Variants in DCAF12 observed in about 807,000 individuals in gnomAD.
DCAF12 encodes DDB1- and CUL4-associated factor 12.
In DCAF12, 28 loss-of-function variants were observed where a neutral mutation model predicts 52.8. The ratio of observed to expected loss-of-function variants is 0.53; its 90% confidence interval spans 0.39 to 0.73. The LOEUF is 0.73. Ranked by LOEUF, DCAF12 falls within the 30% of genes least tolerant of loss-of-function variation. The pLI is 0.00. For synonymous variants in DCAF12, 196 were observed against 215.5 expected, an observed-to-expected ratio of 0.91 and a Z score of 0.79; for missense variants, 425 against 552.2, an observed-to-expected ratio of 0.77 and a Z score of 2.31.
intron 5 of DCAF12, among the ~76,000 whole-genome samples, chr9:34,098,048 T>A (rs1828765049): frequency 6.6e-6 from 1 of 151,772 alleles, no homozygotes. Context: ...CATGTGCAAA[T>A]GACAGACAGT....
At chr9:34,108,070 G>C (rs947084118) in intron 2 of DCAF12, among the ~76,000 whole-genome samples, 2 of 152,204 alleles carry the variant, frequency 1.3e-5, no homozygotes, top group African/African-American at 4.8e-5. Context: ...TCTCATGGCT[G>C]TTCTCTATAC....
At position 34,108,808 on chromosome 9, in the gene DCAF12, A is replaced by AAAAT. The variant is rs1378571589; in HGVS notation, c.334-1244_334-1243insATTT. Among the ~76,000 whole-genome samples the AAAAT allele has an allele frequency of 7.6e-3, 881 of 115,298 alleles. 3 individuals are homozygous for AAAAT. The highest frequency in any genetic ancestry group is 0.031 in the East Asian group (137 of 4,448). The allele number at this position is 115,298 out of a possible 152,430, so 75.6% of individuals were successfully genotyped here. On this transcript the variant is annotated intron_variant, in intron 2 of 8. Coordinates refer to ENST00000361264, the MANE Select transcript of DCAF12 (RefSeq NM_015397.4). ...GACTTGGTCTCAAAAAAAATAAATA[A>AAAAT]ATAAATATATATATATATATATGAA...
Position 34,125,164 on chromosome 9 carries a change from A to G in DCAF12, c.192T>C (p.Ser64=), listed in dbSNP as rs745617855. ...GTGCTGCATAACCATGCAACACTCG[A>G]GAGTAGCTGGTTTCATTCTGTAGCC... ...EVRLQNETSY[S]RVLHGYAAQQ... Residue 64 remains serine (S), a synonymous_variant, in exon 2 of 9, where the codon TCT becomes TCC. Transcript: ENST00000361264. 1.2e-5 allele frequency: 20 copies of G among 1,614,044 alleles called. No homozygotes were observed. In the Admixed American group the frequency reaches 3.0e-4, roughly 24 times the overall value.
chr9:34,091,597 C>T (rs1478228477), intron 7 of DCAF12, among the ~76,000 whole-genome samples: 1 of 132,416 alleles, frequency 7.6e-6, no homozygotes, highest in Non-Finnish European at 1.6e-5. Flanking sequence ...GAGATTGCAC[C>T]ACTTTCCTCC....
At position 34,087,257 on chromosome 9, in the gene DCAF12, C is replaced by G. The variant is rs993016975; in HGVS notation, c.*1093G>C. 4 of 152,244 alleles carry G rather than the reference C, an allele frequency of 2.6e-5. No homozygotes were observed. Among genetic ancestry groups the G allele is most frequent in the Admixed American group, 6.6e-5 (1 of 15,240 alleles). 9.4% of individuals were successfully genotyped at this position (152,244 alleles called of 1,614,324 possible). A position where few individuals can be genotyped will look rare whatever the true frequency, so the allele number is the denominator to read the frequency against. Reference sequence around the variant, plus strand: ...AAGCACTCACTACACACAGATAAACCCCCTGCTCACCCCCACCTTCTTAGA... The same window carrying G: ...AAGCACTCACTACACACAGATAAACGCCCTGCTCACCCCCACCTTCTTAGA... On this transcript the variant is annotated 3_prime_UTR_variant, in exon 9 of 9. Coordinates refer to ENST00000361264, the MANE Select transcript of DCAF12 (RefSeq NM_015397.4).
At chr9:34,109,794 C>T in intron 2 of DCAF12, 1 of 344,404 alleles carries the variant, frequency 2.9e-6, no homozygotes, top group Non-Finnish European at 6.0e-6. Flanking sequence ...CCAGGTGGCT[C>T]AGGACACCAT....
chr9:34,088,736 G>A (rs1367397908), intron 8 of DCAF12, among the ~76,000 whole-genome samples: 1 of 152,176 alleles, frequency 6.6e-6, no homozygotes, highest in East Asian at 1.9e-4. Context: ...ACAAGGCTCA[G>A]TTCTTCTCAG....
chr9:34,118,128 T>C (rs1490492054), intron 2 of DCAF12, among the ~76,000 whole-genome samples: 1 of 152,144 alleles, frequency 6.6e-6, no homozygotes, highest in African/African-American at 2.4e-5. Flanking sequence ...ATTTATTTCT[T>C]TTGTTTTTTT....
intron 8 of DCAF12, among the ~76,000 whole-genome samples, chr9:34,088,789 C>A (rs191440978): frequency 4.9e-4 from 75 of 152,258 alleles, no homozygotes; most frequent in Non-Finnish European, 8.8e-4. Flanking sequence ...ACCTGCTAGG[C>A]ACAGGAGGAA....
intron 6 of DCAF12, chr9:34,095,796 T>C (rs1161118438): frequency 3.3e-5 from 5 of 152,218 alleles, no homozygotes; most frequent in Non-Finnish European, 2.9e-5. Context: ...CTTAATTTGA[T>C]CGATCTTCAA....
At chr9:34,105,395 C>T (rs1480952623) in intron 4 of DCAF12, among the ~76,000 whole-genome samples, 1 of 151,576 alleles carries the variant, frequency 6.6e-6, no homozygotes, top group East Asian at 1.9e-4. Context: ...CACTGCACTC[C>T]AGCCTGGGTG....
At chr9:34,116,074 A>C (rs986431717) in intron 2 of DCAF12, among the ~76,000 whole-genome samples, 2 of 152,188 alleles carry the variant, frequency 1.3e-5, no homozygotes, top group African/African-American at 2.4e-5. Context: ...TTAAATAAAT[A>C]AATCCAGGGC....
intron 6 of DCAF12, among the ~76,000 whole-genome samples, chr9:34,095,664 C>G (rs1564094688): frequency 6.6e-6 from 1 of 152,156 alleles, no homozygotes; most frequent in Non-Finnish European, 1.5e-5. Context: ...GTTGGGATTA[C>G]AGGCCTAAGG....
chr9:34,126,227 G>A, intron 1 of DCAF12, 127 bp downstream of exon 1: 1 of 1,214,846 alleles, frequency 8.2e-7, no homozygotes, highest in East Asian at 2.5e-5. Flanking sequence ...TATAGGCCCT[G>A]AACCCATTCC....
chr9:34,117,696 C>T (rs557495157), intron 2 of DCAF12, among the ~76,000 whole-genome samples: 2 of 152,226 alleles, frequency 1.3e-5, no homozygotes, highest in African/African-American at 4.8e-5. Flanking sequence ...GGGAGGATCA[C>T]CTGAGGTTGG....
chr9:34,125,500 C>G, intron 1 of DCAF12: 1 of 627,428 alleles, frequency 1.6e-6, no homozygotes. Context: ...ATTACAAGGG[C>G]TGAAAGTCAA....
At chr9:34,104,959 T>C (rs1828881848) in intron 4 of DCAF12, among the ~76,000 whole-genome samples, 1 of 151,736 alleles carries the variant, frequency 6.6e-6, no homozygotes. Context: ...ATTCTATATA[T>C]GCATCTTCTA....
chr9:34,113,922 C>A (rs575124759), intron 2 of DCAF12, among the ~76,000 whole-genome samples: 1 of 152,062 alleles, frequency 6.6e-6, no homozygotes, highest in South Asian at 2.1e-4. Flanking sequence ...TCCTGGCTAA[C>A]ACAGTGAAAC....
intron 4 of DCAF12, 43 bp downstream of exon 4, chr9:34,106,391 A>G (rs1414848126): frequency 6.5e-7 from 1 of 1,526,956 alleles, no homozygotes; most frequent in South Asian, 1.2e-5. Context: ...CTAGCCCCCA[A>G]TCCCTGCCAC....
Sources: gnomAD v4.1 joint callset for allele counts (sites outside exome capture counted in the v4.1 genomes callset) on GRCh38, gnomAD v4.1.1 for gene constraint, MANE v1.5 for transcripts, NCBI Gene and HGNC (gene_info 2026-07-23, HGNC 2026-07-21) for gene names.